Variants in CERS5 observed in about 807,000 individuals in gnomAD.
The protein encoded by CERS5 is ceramide synthase 5.
Under a neutral mutation model 58.9 loss-of-function variants are expected in CERS5, and 37 were observed. The ratio of observed to expected loss-of-function variants is 0.63; its 90% confidence interval spans 0.48 to 0.83. The LOEUF (loss-of-function observed/expected upper bound fraction) is 0.83. CERS5 is among the 40% of genes least tolerant of loss of function. The pLI, the probability that CERS5 is intolerant of heterozygous loss-of-function variation, is 0.00. For missense variants in CERS5, 398 were observed against 489.3 expected (o/e 0.81, Z 1.76); for synonymous variants, 147 against 177.8 (o/e 0.83, Z 1.38).
chr12:50,136,175 T>C, intron 6 of CERS5, 106 bp from the exon 7 acceptor site: 3 of 1,064,564 alleles, frequency 2.8e-6, no homozygotes, highest in Non-Finnish European at 3.8e-6. Flanking sequence ...CCACCCCATA[T>C]AGAATAGTTT....
chr12:50,149,868 T>C (rs1937748930), intron 1 of CERS5, among the ~76,000 whole-genome samples: 2 of 152,184 alleles, frequency 1.3e-5, no homozygotes, highest in South Asian at 4.1e-4. Flanking sequence ...GCCTCCCAAG[T>C]AGTAGCTGGG....
rs114718053 is a variant in CERS5 at position 50,142,503 on chromosome 12, C to G, written c.435-393G>C. ...AGGCGGAGGTTGCAGTGAGCAGAGA[C>G]TGTGCCACTACACTCCAGTCTGGTG... is the stretch of plus-strand genomic sequence containing the variant. On this transcript the variant is annotated intron_variant, in intron 3 of 9. Transcript: ENST00000317551. 5.6e-3 allele frequency among the ~76,000 whole-genome samples: 797 copies of G among 142,982 alleles called. 3 individuals carry two copies. Among genetic ancestry groups the G allele is most frequent in the African/African-American group, 0.02 (759 of 38,156 alleles). 93.8% of individuals were successfully genotyped at this position (142,982 alleles called of 152,430 possible).
At chr12:50,135,495 G>A (rs950663326) in intron 8 of CERS5, 1 of 689,558 alleles carries the variant, frequency 1.5e-6, no homozygotes, top group African/African-American at 1.8e-5. Flanking sequence ...AACCAAGCCG[G>A]GTACTCTGAG....
intron 4 of CERS5, among the ~76,000 whole-genome samples, chr12:50,139,121 CT>C (rs1951837107): frequency 6.6e-6 from 1 of 152,064 alleles, no homozygotes; most frequent in African/African-American, 2.4e-5. Context: ...TTCATATTTC[CT>C]TTTTTTGTTG....
At chr12:50,142,261 G>A in intron 3 of CERS5, 151 bp from the exon 4 acceptor site, 1 of 607,588 alleles carries the variant, frequency 1.6e-6, no homozygotes, top group East Asian at 2.9e-5. Flanking sequence ...CATTTAAAAA[G>A]CCAAAGACAG....
chr12:50,135,117 GGAGA>G (rs1449016000), intron 8 of CERS5, among the ~76,000 whole-genome samples: 2 of 106,766 alleles, frequency 1.9e-5, no homozygotes, highest in Admixed American at 1.1e-4. Context: ...AGGGAGGGAG[GGAGA>G]GAGAGGAGAG....
chr12:50,141,935 G>A (rs1213868409), intron 4 of CERS5, 118 bp downstream of exon 4: 55 of 549,886 alleles, frequency 1.0e-4, no homozygotes, highest in Admixed American at 1.4e-4. Context: ...GCAAGACTCC[G>A]TCTCAAAAAA....
At chr12:50,139,056 A>C (rs1033612826) in intron 4 of CERS5, among the ~76,000 whole-genome samples, 2 of 152,198 alleles carry the variant, frequency 1.3e-5, no homozygotes, top group Non-Finnish European at 2.9e-5. Context: ...ATACTGTCTT[A>C]TTATCCTTTC....
At chr12:50,156,667 C>G (rs1007202936) in intron 1 of CERS5, among the ~76,000 whole-genome samples, 1 of 151,790 alleles carries the variant, frequency 6.6e-6, no homozygotes, top group Admixed American at 6.6e-5. Flanking sequence ...TAAACAAAAG[C>G]TATTTGGGGT....
intron 1 of CERS5, chr12:50,144,433 A>G (rs943394296): frequency 3.6e-6 from 1 of 274,122 alleles, no homozygotes; most frequent in Admixed American, 4.7e-5. Context: ...AATCTACTTC[A>G]TAAGAATCTT....
At chr12:50,148,927 A>AT (rs1292802919) in intron 1 of CERS5, among the ~76,000 whole-genome samples, 41 of 48,030 alleles carry the variant, frequency 8.5e-4, no homozygotes, top group Non-Finnish European at 1.2e-3. Flanking sequence ...AAAAAAAAAA[A>AT]ATATATATAT....
At chr12:50,132,479 C>T (rs1045070904) in intron 9 of CERS5, among the ~76,000 whole-genome samples, 1 of 152,006 alleles carries the variant, frequency 6.6e-6, no homozygotes, top group African/African-American at 2.4e-5. Context: ...CCAGTGAGAC[C>T]TGTGTCGGAC....
chr12:50,152,739 C>T (rs571223796), intron 1 of CERS5, among the ~76,000 whole-genome samples: 5 of 152,028 alleles, frequency 3.3e-5, no homozygotes, highest in African/African-American at 7.2e-5. Context: ...GACAGACTAA[C>T]GTTAGTCAGC....
chr12:50,163,175 G>A (rs993897621), intron 1 of CERS5, among the ~76,000 whole-genome samples: 1 of 152,030 alleles, frequency 6.6e-6, no homozygotes, highest in Non-Finnish European at 1.5e-5. Context: ...TGGGATTACA[G>A]GTGTGAGCCA....
chr12:50,137,872 C>T, intron 5 of CERS5, 52 bp from the exon 6 acceptor site: 2 of 1,209,274 alleles, frequency 1.7e-6, no homozygotes, highest in Non-Finnish European at 2.4e-6. Flanking sequence ...AGGTGCATTC[C>T]ATCTCTCCAA....
At position 50,153,269 on chromosome 12, in the gene CERS5, A is replaced by ATTTTTTT. The variant is rs202197775; in HGVS notation, c.198-9219_198-9213dup. ...GGTTATAATGAGATAAACTAATATG[A>ATTTTTTT]TTTTTTTTTTTTTTTTTTTTTTTTT... is the stretch of plus-strand genomic sequence containing the variant. On this transcript the variant is annotated intron_variant, in intron 1 of 9. Transcript: ENST00000317551. Among the ~76,000 whole-genome samples, 146 of 93,432 alleles carry ATTTTTTT rather than the reference A, an allele frequency of 1.6e-3. 25 individuals carry two copies. The highest frequency in any genetic ancestry group is 2.4e-3 in the Non-Finnish European group (116 of 48,014). The allele number at this position is 93,432 out of a possible 152,430, so 61.3% of individuals were successfully genotyped here.
intron 1 of CERS5, among the ~76,000 whole-genome samples, chr12:50,161,873 T>C (rs1339300040): frequency 1.0e-4 from 13 of 130,550 alleles, no homozygotes; most frequent in East Asian, 4.7e-4. Context: ...CTTCTTCTTT[T>C]TTTTTTTTTT....
chr12:50,145,210 T>C (rs1952203759), intron 1 of CERS5: 1 of 152,180 alleles, frequency 6.6e-6, no homozygotes, highest in Non-Finnish European at 1.5e-5. Context: ...CTAAGATTTT[T>C]TTGTATATCT....
rs185423315 is a variant in CERS5 at position 50,159,625 on chromosome 12, G to C, written c.197+7476C>G. Reference sequence around the variant, plus strand: ...CTTTTCTTTTTTGAGACAGGGTCTCGCTCTGTTGCCCAGGCTGGAGTGCAA... The same window carrying C: ...CTTTTCTTTTTTGAGACAGGGTCTCCCTCTGTTGCCCAGGCTGGAGTGCAA... On this transcript the variant is annotated intron_variant, in intron 1 of 9. Transcript: ENST00000317551. 7.2e-4 allele frequency among the ~76,000 whole-genome samples: 109 copies of C among 152,010 alleles called. 2 individuals are homozygous for C. The East Asian group carries it at 8.0e-3, about 11-fold the overall frequency.
Sources: gnomAD v4.1 joint callset for allele counts (sites outside exome capture counted in the v4.1 genomes callset) on GRCh38, gnomAD v4.1.1 for gene constraint, MANE v1.5 for transcripts, NCBI Gene and HGNC (gene_info 2026-07-23, HGNC 2026-07-21) for gene names.